The following C7 variants were observed in gnomAD, a reference collection of about 807,000 sequenced individuals.
The protein encoded by C7 is complement C7, also known as complement component C7.
In C7, 83 loss-of-function variants were observed where a neutral mutation model predicts 104.8. The ratio of observed to expected loss-of-function variants is 0.79; its 90% CI spans 0.66 to 0.95. The LOEUF is 0.95. Ranked by LOEUF, C7 falls within the 40% of genes least tolerant of loss-of-function variation. The pLI, the probability that C7 is intolerant of heterozygous loss-of-function variation, is 0.00. For missense variants in C7, 1,070 were observed against 1,011.2 expected (o/e 1.06, Z -0.79); for synonymous variants, 415 against 360.6 (o/e 1.15, Z -1.71).
chr5:40,933,940 C>CT (rs200031049), intron 3 of C7, among the ~76,000 whole-genome samples: 64,487 of 142,594 alleles, frequency 0.45, 14,751 homozygotes, highest in African/African-American at 0.58. Context: ...TTTTTCTTTT[C>CT]TTTTTTTTTT....
intron 10 of C7, among the ~76,000 whole-genome samples, chr5:40,956,641 T>A (rs1740296367): frequency 6.6e-6 from 1 of 152,268 alleles, no homozygotes; most frequent in Admixed American, 6.5e-5. Flanking sequence ...GAACCGATTC[T>A]ATGATTTATT....
chr5:40,976,567 A>G (rs1450660), intron 15 of C7, 183 bp from the exon 16 acceptor site: 316,227 of 405,192 alleles, frequency 0.78, 124,205 homozygotes, highest in South Asian at 0.93. Context: ...TTGTAATGTG[A>G]CTCTAGAAAC....
rs1272884834 is a variant in C7 at position 40,945,380 on chromosome 5, A to G, written c.738+12A>G. On this transcript the variant is annotated intron_variant, in intron 7 of 17. Transcript: ENST00000313164. The stretch of plus-strand genomic sequence containing the variant: ...TCCATAAAGGAAAGGTTAGTATAAA[A>G]TGTCAGTTAACTTTTCCATGTTTTA... 3 of 1,545,700 alleles carry G rather than the reference A, an allele frequency of 1.9e-6. No homozygotes were observed. The highest frequency in any genetic ancestry group is 2.8e-5 in the African/African-American group (2 of 71,750).
intron 7 of C7, among the ~76,000 whole-genome samples, chr5:40,945,670 G>A (rs911208261): frequency 6.6e-6 from 1 of 151,838 alleles, no homozygotes; most frequent in African/African-American, 2.4e-5. Flanking sequence ...TTTGGGACCA[G>A]CCTGGGCAAC....
At chr5:40,943,891 G>A (rs1429510885) in intron 6 of C7, among the ~76,000 whole-genome samples, 2 of 152,024 alleles carry the variant, frequency 1.3e-5, no homozygotes, top group African/African-American at 4.8e-5. Context: ...AGTGATAACA[G>A]TCATATTGTA....
intron 13 of C7, 179 bp from the exon 14 acceptor site, chr5:40,964,562 A>G: frequency 1.9e-6 from 1 of 523,916 alleles, no homozygotes; most frequent in Non-Finnish European, 3.5e-6. Context: ...ATTTCAATTA[A>G]TGGTGGTGCT....
chr5:40,924,990 C>G (rs566883694), intron 1 of C7, among the ~76,000 whole-genome samples: 17 of 152,330 alleles, frequency 1.1e-4, no homozygotes, highest in Admixed American at 1.1e-3. Context: ...GCTATTAACA[C>G]TTGGCTTCCT....
intron 1 of C7, among the ~76,000 whole-genome samples, chr5:40,918,189 C>T (rs1739358347): frequency 6.6e-6 from 1 of 151,594 alleles, no homozygotes; most frequent in Admixed American, 6.6e-5. Flanking sequence ...GGCCCTATCT[C>T]TACAATAACT....
chr5:40,964,564 GGTGGTGCTAGTGTTACTA>G, intron 13 of C7, 159 bp from the exon 14 acceptor site: 1 of 525,212 alleles, frequency 1.9e-6, no homozygotes. Flanking sequence ...TTCAATTAAT[GGTGGTGCTAGTGTTACTA>G]ACTATATAGG....
At chr5:40,980,662 T>C (rs1740923263) in intron 17 of C7, among the ~76,000 whole-genome samples, 1 of 152,218 alleles carries the variant, frequency 6.6e-6, no homozygotes, top group African/African-American at 2.4e-5. Flanking sequence ...CTTCCCTATC[T>C]GTAAATTTAG....
chr5:40,942,747 G>A (rs1036233964), intron 6 of C7, among the ~76,000 whole-genome samples: 2 of 151,596 alleles, frequency 1.3e-5, no homozygotes, highest in Non-Finnish European at 2.9e-5. Context: ...AATCCGTACA[G>A]TTGTGCGATT....
chr5:40,945,556 G>A (rs1036286241), intron 7 of C7, among the ~76,000 whole-genome samples, 188 bp downstream of exon 7: 16 of 151,892 alleles, frequency 1.1e-4, no homozygotes, highest in African/African-American at 3.9e-4. Flanking sequence ...AAATCTCTTT[G>A]ATAATATATT....
chr5:40,971,049 T>A (rs1477885235), intron 14 of C7, among the ~76,000 whole-genome samples: 1 of 152,244 alleles, frequency 6.6e-6, no homozygotes, highest in Admixed American at 6.5e-5. Flanking sequence ...TAAACATACG[T>A]GTGCATGTGT....
At chr5:40,916,394 C>A (rs1038334917) in intron 1 of C7, among the ~76,000 whole-genome samples, 3 of 152,148 alleles carry the variant, frequency 2.0e-5, no homozygotes. Context: ...GTCACTGCCC[C>A]CTGCCTACTG....
chr5:40,961,049 T>C lies in C7; in HGVS notation c.1662-1036T>C, dbSNP rs535390020. Among the ~76,000 whole-genome samples, 12 of 152,314 alleles carry C rather than the reference T, an allele frequency of 7.9e-5. No homozygotes were observed. In the South Asian group the frequency reaches 2.3e-3, roughly 29 times the overall value. ...ACTTAAACTTGCTTTCACCAAATAA[T>C]GTGCTTTCAGTTATACACGTTCAGA... is the stretch of plus-strand genomic sequence containing the variant. On this transcript the variant is annotated intron_variant, in intron 12 of 17. Transcript: ENST00000313164.
At chr5:40,972,051 G>T (rs1228040695) in intron 14 of C7, 3 of 470,352 alleles carry the variant, frequency 6.4e-6, no homozygotes, top group Non-Finnish European at 1.3e-5. Flanking sequence ...AAACTCTCCT[G>T]GTGGAACATC....
rs954549253 is a variant in C7, at chr5:40,921,887, A to C, written c.7-6693A>C. Among the ~76,000 whole-genome samples the C allele has an allele frequency of 4.7e-5, 7 of 150,420 alleles. No homozygotes were observed. The East Asian group carries it at 1.4e-3, about 30-fold the overall frequency. Reference sequence around the variant, plus strand: ...CCGTCTCTACTAAAAAAAATACAATAATCAGCCAGGCGTGGTGGTGCGCAA... The same window carrying C: ...CCGTCTCTACTAAAAAAAATACAATCATCAGCCAGGCGTGGTGGTGCGCAA... On this transcript the variant is annotated intron_variant, in intron 1 of 17. Coordinates refer to ENST00000313164, the MANE Select transcript of C7 (RefSeq NM_000587.4).
chr5:40,942,391 A>G (rs1262407719), intron 6 of C7, among the ~76,000 whole-genome samples: 1 of 152,162 alleles, frequency 6.6e-6, no homozygotes, highest in Non-Finnish European at 1.5e-5. Context: ...AATGCAATAC[A>G]GAGAAGAGAG....
intron 1 of C7, among the ~76,000 whole-genome samples, chr5:40,920,085 G>A (rs1739408146): frequency 2.6e-5 from 4 of 151,782 alleles, no homozygotes; most frequent in Admixed American, 2.6e-4. Context: ...TGACAAACTA[G>A]ATTAATTTAA....
Sources: allele counts gnomAD v4.1 joint callset (sites outside exome capture counted in the v4.1 genomes callset), GRCh38; gene constraint gnomAD v4.1.1; transcripts MANE v1.5; gene names NCBI Gene and HGNC (gene_info 2026-07-23, HGNC 2026-07-21).